ERO1B: variants seen among roughly 807,000 people sequenced by gnomAD.
ERO1B encodes the protein ERO1-like protein beta.
ERO1B carries 49 observed loss-of-function variants against 75.3 expected under a neutral mutation model. That is an observed-to-expected ratio of 0.65 (90% CI 0.52 to 0.83). The LOEUF is 0.83. ERO1B is among the 40% of genes least tolerant of loss of function. The pLI is 0.00. For missense variants in ERO1B, 512 were observed against 560.1 expected (o/e 0.91, Z 0.87); for synonymous variants, 191 against 192.9 (o/e 0.99, Z 0.08).
At chr1:236,262,180 G>C (rs1472642159) in intron 2 of ERO1B, among the ~76,000 whole-genome samples, 1 of 152,174 alleles carries the variant, frequency 6.6e-6, no homozygotes, top group Non-Finnish European at 1.5e-5. Flanking sequence ...ATAAACCTAA[G>C]ACTCCCAAGT....
At chr1:236,238,898 T>C (rs1026101913) in intron 6 of ERO1B, among the ~76,000 whole-genome samples, 2 of 152,116 alleles carry the variant, frequency 1.3e-5, no homozygotes, top group Non-Finnish European at 2.9e-5. Context: ...TGATTTAAAA[T>C]ATACTTTAAG....
Position 236,262,033 on chromosome 1 carries a change from T to C in ERO1B, c.222+7842A>G, listed in dbSNP as rs556772505. On this transcript the variant is annotated intron_variant, in intron 2 of 15. Coordinates refer to ENST00000354619, the MANE Select transcript of ERO1B (RefSeq NM_019891.4). ...TGACTCTGAATAGCCAAAGCAATCA[T>C]GAGCAAAAAATCCAAAGGTGGACTC... Among the ~76,000 whole-genome samples the C allele has an allele frequency of 6.6e-5, 10 of 152,322 alleles. No homozygotes were observed. The East Asian group carries it at 1.3e-3, about 21-fold the overall frequency.
intron 1 of ERO1B, among the ~76,000 whole-genome samples, chr1:236,277,007 T>G (rs1453339299): frequency 6.6e-6 from 1 of 152,174 alleles, no homozygotes; most frequent in Non-Finnish European, 1.5e-5. Context: ...CGATTGTAAG[T>G]TTCCTGAGGC....
At chr1:236,241,207 A>G (rs1051722600) in intron 6 of ERO1B, among the ~76,000 whole-genome samples, 3 of 152,116 alleles carry the variant, frequency 2.0e-5, no homozygotes, top group Non-Finnish European at 4.4e-5. Context: ...GGAAACAGCA[A>G]TAACTAAACA....
intron 2 of ERO1B, among the ~76,000 whole-genome samples, chr1:236,261,007 T>C (rs2695073): frequency 0.77 from 116,989 of 152,002 alleles, 46,767 homozygotes; most frequent in East Asian, 0.91. Context: ...AGTAGTTTGA[T>C]GTACATAAAT....
chr1:236,242,022 T>C (rs10924840), intron 6 of ERO1B, among the ~76,000 whole-genome samples: 10,245 of 151,328 alleles, frequency 0.068, 706 homozygotes, highest in East Asian at 0.38. Context: ...GAGCCGAGAT[T>C]GTGCCACTGC....
chr1:236,252,112 A>C, intron 3 of ERO1B, 21 bp from the exon 4 acceptor site: 1 of 1,545,014 alleles, frequency 6.5e-7, no homozygotes, highest in Non-Finnish European at 8.9e-7. Context: ...CAAGAAAAGC[A>C]AAAAAATTTT....
At chr1:236,221,848 T>G in intron 14 of ERO1B, 76 bp downstream of exon 14, 1 of 1,107,436 alleles carries the variant, frequency 9.0e-7, no homozygotes, top group East Asian at 2.4e-5. Flanking sequence ...AATGAGGACA[T>G]TTTAATAAAA....
chr1:236,239,911 A>ATTTTTTTTTTTTTTTTTTTTT (rs1218642025), intron 6 of ERO1B, among the ~76,000 whole-genome samples: 1 of 106,964 alleles, frequency 9.3e-6, no homozygotes, highest in African/African-American at 4.1e-5. Context: ...ATATATATAT[A>ATTTTTTTTTTTTTTTTTTTTT]TTTTTTTTTT....
intron 2 of ERO1B, 85 bp downstream of exon 2, chr1:236,269,790 A>T: frequency 9.4e-7 from 1 of 1,058,750 alleles, no homozygotes; most frequent in Non-Finnish European, 1.4e-6. Context: ...AGGTGCTGAG[A>T]GGAACTGAAA....
intron 12 of ERO1B, 69 bp downstream of exon 12, chr1:236,226,200 T>A (rs12023983): frequency 0.048 from 72,585 of 1,524,464 alleles, 5,303 homozygotes; most frequent in East Asian, 0.4. Context: ...TCAGTTTTTG[T>A]GTACTTTAAG....
intron 1 of ERO1B, among the ~76,000 whole-genome samples, chr1:236,279,314 C>T (rs927559770): frequency 6.6e-6 from 1 of 150,440 alleles, no homozygotes; most frequent in Non-Finnish European, 1.5e-5. Flanking sequence ...ACCAGCCTGG[C>T]CAACATGGTG....
chr1:236,239,853 A>ATG (rs1664646778), intron 6 of ERO1B, among the ~76,000 whole-genome samples: 1 of 64,584 alleles, frequency 1.5e-5, no homozygotes, highest in Admixed American at 1.6e-4. Flanking sequence ...ATATATGTGT[A>ATG]TATATGTATA....
At chr1:236,224,340 G>T (rs1664226308) in intron 13 of ERO1B, among the ~76,000 whole-genome samples, 1 of 152,012 alleles carries the variant, frequency 6.6e-6, no homozygotes, top group Admixed American at 6.6e-5. Flanking sequence ...TTGTGGCCAG[G>T]TATGGTGGCT....
rs563677276 is a variant in ERO1B, at chr1:236,256,645, G to T, written c.223-3140C>A. On this transcript the variant is annotated intron_variant, in intron 2 of 15. Coordinates refer to ENST00000354619, the MANE Select transcript of ERO1B (RefSeq NM_019891.4). Reference sequence around the variant, plus strand: ...GTCTCCCCCTGCTAGGGGGGCATGAGACCTGCTGGCCCAAAAAGTAGAGTG... The same window carrying T: ...GTCTCCCCCTGCTAGGGGGGCATGATACCTGCTGGCCCAAAAAGTAGAGTG... 3.7e-4 allele frequency among the ~76,000 whole-genome samples: 56 copies of T among 152,314 alleles called. No individual in the cohort carries two copies. The South Asian group carries it at 0.011, about 30-fold the overall frequency.
At chr1:236,227,908 C>G (rs1381794247) in intron 10 of ERO1B, among the ~76,000 whole-genome samples, 1 of 152,132 alleles carries the variant, frequency 6.6e-6, no homozygotes, top group Non-Finnish European at 1.5e-5. Context: ...TATTTTGTAG[C>G]TTCCTCCCTA....
intron 6 of ERO1B, among the ~76,000 whole-genome samples, chr1:236,238,523 CTTTT>C (rs754277540): frequency 3.0e-4 from 33 of 108,216 alleles, no homozygotes; most frequent in Non-Finnish European, 5.0e-4. Flanking sequence ...GGGCAACAGC[CTTTT>C]TTTTTTTTTT....
At chr1:236,251,339 G>A (rs1030832936) in intron 4 of ERO1B, 1 of 176,246 alleles carries the variant, frequency 5.7e-6, no homozygotes, top group African/African-American at 2.4e-5. Context: ...TCAGAAAAAT[G>A]GTTAGCTCTG....
chr1:236,219,781 G>A (rs1001573313), intron 15 of ERO1B, among the ~76,000 whole-genome samples: 4 of 152,130 alleles, frequency 2.6e-5, no homozygotes, highest in Non-Finnish European at 5.9e-5. Context: ...AGCACTTTGG[G>A]AGGCCAAGAC....
Sources: gnomAD v4.1 joint callset for allele counts (sites outside exome capture counted in the v4.1 genomes callset) on GRCh38, gnomAD v4.1.1 for gene constraint, MANE v1.5 for transcripts, NCBI Gene and HGNC (gene_info 2026-07-23, HGNC 2026-07-21) for gene names.